The following FARS2 variants were observed in gnomAD, a reference collection of about 807,000 sequenced individuals.
The protein encoded by FARS2 is phenylalanine--tRNA ligase, mitochondrial.
FARS2 carries 40 observed loss-of-function variants against 46.4 expected under a neutral mutation model. The ratio of observed to expected loss-of-function variants is 0.86; its 90% confidence interval spans 0.67 to 1.12. The LOEUF (loss-of-function observed/expected upper bound fraction) is 1.12. Among genes scored for constraint, FARS2 ranks in the 50% most tolerant of loss-of-function variants. The probability of loss-of-function intolerance (pLI) is 0.00; values close to 1 mark genes in which losing one functional copy is unlikely to be tolerated. For missense variants in FARS2, 513 were observed against 567.9 expected, an observed-to-expected ratio of 0.90 and a Z score of 0.98; for synonymous variants, 234 against 214.9, an observed-to-expected ratio of 1.09 and a Z score of -0.78.
At chr6:5,567,992 A>G (rs1488447350) in intron 5 of FARS2, among the ~76,000 whole-genome samples, 2 of 152,226 alleles carry the variant, frequency 1.3e-5, no homozygotes, top group Non-Finnish European at 2.9e-5. Flanking sequence ...TACTCCTGAC[A>G]TTCATCTTGA....
At chr6:5,313,589 T>C (rs1407185947) in intron 1 of FARS2, among the ~76,000 whole-genome samples, 1 of 152,130 alleles carries the variant, frequency 6.6e-6, no homozygotes, top group Non-Finnish European at 1.5e-5. Flanking sequence ...CTACTGTAAA[T>C]TGAGTTGAGC....
chr6:5,257,544 T>C (rs1340562013), upstream of FARS2, among the ~76,000 whole-genome samples: 1 of 152,244 alleles, frequency 6.6e-6, no homozygotes, highest in Admixed American at 6.5e-5. Flanking sequence ...AACCCATCAG[T>C]ACTGGTCCGT....
rs921313648 is a variant in FARS2 at position 5,764,054 on chromosome 6, G to A, written c.1218-7237G>A. On this transcript the variant is annotated intron_variant, in intron 6 of 6. Transcript: ENST00000274680. The surrounding 1 kb of genome is among the most constrained non-coding windows in gnomAD (Gnocchi z 4.1). ...CCAATAAGCCACAGGAGTAAAGGAG[G>A]AAGATGGGGCGGATGCGTAGGTATG... Among the ~76,000 whole-genome samples, 14 of 152,090 alleles carry A rather than the reference G, an allele frequency of 9.2e-5. No homozygotes were observed. Among genetic ancestry groups the A allele is most frequent in the Non-Finnish European group, 1.8e-4 (12 of 68,016 alleles).
intron 4 of FARS2, among the ~76,000 whole-genome samples, chr6:5,534,078 G>A (rs2150465664): frequency 6.6e-6 from 1 of 152,284 alleles, no homozygotes; most frequent in East Asian, 1.9e-4. Context: ...CATTTTATGA[G>A]AGAAAAAGCT....
intron 6 of FARS2, among the ~76,000 whole-genome samples, chr6:5,653,874 G>A (rs574598543): frequency 6.6e-6 from 1 of 151,942 alleles, no homozygotes; most frequent in Non-Finnish European, 1.5e-5. Flanking sequence ...CGGGGAAGAG[G>A]ATAGTGGAGA....
At chr6:5,763,113 C>T (rs544988266) in intron 6 of FARS2, among the ~76,000 whole-genome samples, 9 of 152,364 alleles carry the variant, frequency 5.9e-5, no homozygotes, top group Admixed American at 2.0e-4. Context: ...GGCCCTGCCA[C>T]GCTGCACTTT....
intron 6 of FARS2, among the ~76,000 whole-genome samples, chr6:5,637,504 C>A (rs1013344382): frequency 5.9e-5 from 9 of 152,214 alleles, no homozygotes; most frequent in African/African-American, 2.2e-4. Flanking sequence ...GAGACAGCAT[C>A]GCCCTCAGCA....
At chr6:5,489,612 A>G (rs957518480) in intron 4 of FARS2, among the ~76,000 whole-genome samples, 1 of 152,038 alleles carries the variant, frequency 6.6e-6, no homozygotes, top group Admixed American at 6.6e-5. Flanking sequence ...ATATGCTTCC[A>G]TCTCTTTCCT....
At chr6:5,387,489 C>T (rs892336206) in intron 2 of FARS2, among the ~76,000 whole-genome samples, 9 of 152,126 alleles carry the variant, frequency 5.9e-5, no homozygotes, top group African/African-American at 2.2e-4. Flanking sequence ...AGTTTTTTCC[C>T]CAGTTGAAAG....
chr6:5,281,520 T>A (rs568883532), intron 1 of FARS2, among the ~76,000 whole-genome samples: 7 of 152,186 alleles, frequency 4.6e-5, no homozygotes, highest in Non-Finnish European at 1.0e-4. Flanking sequence ...TCAGTGGCAT[T>A]AAGTACATTC....
intron 6 of FARS2, among the ~76,000 whole-genome samples, chr6:5,683,289 G>T (rs1385626415): frequency 6.6e-6 from 1 of 152,194 alleles, no homozygotes; most frequent in Non-Finnish European, 1.5e-5. Context: ...GCTCTGTAGG[G>T]TGTGAGGAAA....
intron 6 of FARS2, among the ~76,000 whole-genome samples, chr6:5,659,463 A>G (rs1200185876): frequency 6.6e-6 from 1 of 152,160 alleles, no homozygotes; most frequent in African/African-American, 2.4e-5. Flanking sequence ...TGAGCAGATA[A>G]TTATCTTTAA....
chr6:5,260,272 G>A (rs6913120), upstream of FARS2, among the ~76,000 whole-genome samples: 37,681 of 152,142 alleles, frequency 0.25, 5,302 homozygotes, highest in African/African-American at 0.39. Context: ...AACTCTTCCA[G>A]TGCTCAAGGG....
intron 4 of FARS2, among the ~76,000 whole-genome samples, chr6:5,496,113 A>T (rs1767447578): frequency 6.6e-6 from 1 of 152,160 alleles, no homozygotes; most frequent in South Asian, 2.1e-4. Context: ...CGGCCATATA[A>T]AACAATATAT....
chr6:5,509,613 A>G (rs1053206475), intron 4 of FARS2, among the ~76,000 whole-genome samples: 10 of 152,190 alleles, frequency 6.6e-5, no homozygotes, highest in Non-Finnish European at 1.3e-4. Flanking sequence ...TACTTTTCCA[A>G]GGAGTCGATA....
chr6:5,748,172 G>A (rs1316154264), intron 6 of FARS2, among the ~76,000 whole-genome samples: 1 of 152,172 alleles, frequency 6.6e-6, no homozygotes, highest in African/African-American at 2.4e-5. Flanking sequence ...TGCTGTGGGA[G>A]CAGGAATCTG....
chr6:5,279,479 A>G (rs866188391), intron 1 of FARS2, among the ~76,000 whole-genome samples: 26 of 150,692 alleles, frequency 1.7e-4, no homozygotes, highest in Admixed American at 4.0e-4. Context: ...ATATAAATGG[A>G]GTTGAGTGAG....
At chr6:5,523,973 T>C (rs184291689) in intron 4 of FARS2, among the ~76,000 whole-genome samples, 191 of 151,762 alleles carry the variant, frequency 1.3e-3, no homozygotes, top group African/African-American at 4.4e-3. Flanking sequence ...AAAGGGGTCA[T>C]GTTTCCAAGA....
chr6:5,282,097 A>G lies in FARS2; in HGVS notation c.-22+20437A>G, dbSNP rs951043869. On this transcript the variant is annotated intron_variant, in intron 1 of 6. Transcript: ENST00000274680. ...ATAATGCCATTGTGAATGCTGTGCAACCATGCAAAATAAGTACATTGAAAT... is the reference window on the plus strand; with the variant it reads ...ATAATGCCATTGTGAATGCTGTGCAGCCATGCAAAATAAGTACATTGAAAT... 7.9e-5 allele frequency among the ~76,000 whole-genome samples: 12 copies of G among 152,304 alleles called. 1 individual carries two copies. The South Asian group carries it at 2.5e-3, about 32-fold the overall frequency.
Sources: gnomAD v4.1 joint callset for allele counts (sites outside exome capture counted in the v4.1 genomes callset) on GRCh38, gnomAD v4.1.1 for gene constraint, Gnocchi (gnomAD v3.1) non-coding constraint, MANE v1.5 for transcripts, NCBI Gene and HGNC (gene_info 2026-07-23, HGNC 2026-07-21) for gene names.